Variants in NPHP3 observed in about 807,000 individuals in gnomAD.
NPHP3 encodes the protein nephrocystin-3.
Under a neutral mutation model 171.9 loss-of-function variants are expected in NPHP3, and 123 were observed. That is an observed-to-expected ratio of 0.72 (90% confidence interval 0.62 to 0.83). NPHP3 has a LOEUF of 0.83. Among genes scored for constraint, NPHP3 ranks in the 40% least tolerant of loss-of-function variants. NPHP3 has a pLI of 0.00. For missense variants in NPHP3, 1,506 were observed against 1,591.9 expected (o/e 0.95, Z 0.92); for synonymous variants, 558 against 579.2 (o/e 0.96, Z 0.52).
chr3:132,688,124 G>A (rs1036049088), intron 21 of NPHP3, among the ~76,000 whole-genome samples: 1 of 152,118 alleles, frequency 6.6e-6, no homozygotes, highest in Non-Finnish European at 1.5e-5. Context: ...TGCCACAAGT[G>A]GAAAATTCTG....
intron 3 of NPHP3, chr3:132,717,255 ATCTG>A: frequency 4.4e-6 from 1 of 228,586 alleles, no homozygotes; most frequent in African/African-American, 2.3e-5. Flanking sequence ...ACCAGTTAAA[ATCTG>A]AAGGAAAAAA....
Position 132,713,160 on chromosome 3 carries a change from A to G in NPHP3, c.1084T>C (p.Leu362=), listed in dbSNP as rs1392821198. The change falls in exon 6 of 27, where the codon TTA becomes CTA. Residue 362 remains leucine (L), a synonymous_variant. Transcript: ENST00000337331. The part of the protein sequence containing the change: ...VRKWEIEKSS[L]VILFIHLTLP... Reference sequence around the variant, plus strand: ...GTTAAGTGAATAAATAAAATAACTAAAGAACTTTTCTCAATTTCCCATTTT... The same window carrying G: ...GTTAAGTGAATAAATAAAATAACTAGAGAACTTTTCTCAATTTCCCATTTT... 6.7e-7 allele frequency: 1 copy of G among 1,501,540 alleles called. No homozygotes were observed. The highest frequency in any genetic ancestry group is 9.2e-7 in the Non-Finnish European group (1 of 1,091,146). 93.0% of individuals were successfully genotyped at this position (1,501,540 alleles called of 1,614,324 possible).
intron 10 of NPHP3, 79 bp downstream of exon 10, chr3:132,701,334 TAGGCCGCGCAGGAAGGC>T: frequency 1.2e-6 from 1 of 808,282 alleles, no homozygotes; most frequent in Non-Finnish European, 2.1e-6. Context: ...ATGTTTAGTG[TAGGCCGCGCAGGAAGGC>T]AGGCATGCAA....
chr3:132,681,119 T>G lies in NPHP3; in HGVS notation c.*791A>C, dbSNP rs897476437. On this transcript the variant is annotated 3_prime_UTR_variant, in exon 27 of 27. Coordinates refer to ENST00000337331, the MANE Select transcript of NPHP3 (RefSeq NM_153240.5). ...ACTAATGTGTTTCACTGAAGACAAT[T>G]TGAATCGTTCATAAACATTAACCCT... 3 of 152,244 alleles carry G rather than the reference T, an allele frequency of 2.0e-5. No homozygotes were observed. The highest frequency in any genetic ancestry group is 4.4e-5 in the Non-Finnish European group (3 of 68,048). 9.4% of individuals were successfully genotyped at this position (152,244 alleles called of 1,614,324 possible). A position where few individuals can be genotyped will look rare whatever the true frequency, so the allele number is the denominator to read the frequency against.
rs200443262 is a variant in NPHP3, at chr3:132,683,629, G to GA, written c.3571-106dup. The GA allele has an allele frequency of 0.023, 19,935 of 866,040 alleles. 328 individuals carry two copies. The highest frequency in any genetic ancestry group is 0.025 in the Non-Finnish European group (13,890 of 557,732). 53.6% of individuals were successfully genotyped at this position (866,040 alleles called of 1,614,324 possible). Reference sequence around the variant, plus strand: ...TTCATATTAAAGGGTAATTTTGAGGGAAAAAAATCTCAGAAGCATTTCCTA... The same window carrying GA: ...TTCATATTAAAGGGTAATTTTGAGGGAAAAAAAATCTCAGAAGCATTTCCTA... On this transcript the variant is annotated intron_variant, in intron 24 of 26. Transcript: ENST00000337331.
chr3:132,708,232 C>T lies in NPHP3; in HGVS notation c.1144G>A (p.Ala382Thr). The T allele has an allele frequency of 6.2e-7, 1 of 1,614,156 alleles. No homozygotes were observed. The highest frequency in any genetic ancestry group is 8.5e-7 in the Non-Finnish European group (1 of 1,180,026). The change falls in exon 7 of 27, where the codon GCT becomes ACT. Residue 382 changes from alanine (A) to threonine (T), a missense_variant. By Grantham distance (58) the Ala-to-Thr change is moderately conservative (BLOSUM62 0). Coordinates refer to ENST00000337331, the MANE Select transcript of NPHP3 (RefSeq NM_153240.5). ...PSLLLEDCEE[A>T]FLKNPEGKPR... Reference sequence around the variant, plus strand: ...TTTCCTTCAGGGTTTTTCAGAAAAGCTTCTTCACAGTCTTCCAATAAAAGG... The same window carrying T: ...TTTCCTTCAGGGTTTTTCAGAAAAGTTTCTTCACAGTCTTCCAATAAAAGG...
chr3:132,697,605 T>A (rs910719935), intron 13 of NPHP3, among the ~76,000 whole-genome samples: 2 of 152,216 alleles, frequency 1.3e-5, no homozygotes, highest in Non-Finnish European at 2.9e-5. Flanking sequence ...ATACATTAGA[T>A]AGTTACATGG....
At chr3:132,715,329 T>C (rs1940020810) in intron 4 of NPHP3, 111 bp from the exon 5 acceptor site, 1 of 832,446 alleles carries the variant, frequency 1.2e-6, no homozygotes, top group Non-Finnish European at 2.1e-6. Flanking sequence ...TGATCTTACA[T>C]GTTAATACTG....
chr3:132,713,064 G>A (rs1319341875), intron 6 of NPHP3, 62 bp downstream of exon 6: 2 of 838,874 alleles, frequency 2.4e-6, no homozygotes, highest in Admixed American at 3.0e-5. Context: ...AAGCTTATTT[G>A]GCAAACTCAA....
Position 132,692,770 on chromosome 3 carries a change from G to T in NPHP3, c.2359C>A (p.Leu787Met), listed in dbSNP as rs1169687176. Reference sequence around the variant, plus strand: ...GACATCTCAGGATAGAGTTCCATCAGTTCTGATTCACTCACACCATTGTGA... The same window carrying T: ...GACATCTCAGGATAGAGTTCCATCATTTCTGATTCACTCACACCATTGTGA... ...VSHNGVSESE[L>M]MELYPEMSWT... The change falls in exon 17 of 27, where the codon CTG becomes ATG. Residue 787 changes from leucine (L) to methionine (M), a missense_variant. Physicochemically the swap from Leu to Met is conservative, Grantham distance 15 (BLOSUM62 2). Coordinates refer to ENST00000337331, the MANE Select transcript of NPHP3 (RefSeq NM_153240.5). The T allele has an allele frequency of 6.8e-6, 11 of 1,613,798 alleles. No individual in the cohort carries two copies. The highest frequency in any genetic ancestry group is 8.5e-6 in the Non-Finnish European group (10 of 1,179,844).
intron 13 of NPHP3, among the ~76,000 whole-genome samples, chr3:132,698,191 G>C (rs1345637613): frequency 1.3e-5 from 2 of 152,070 alleles, no homozygotes; most frequent in Admixed American, 1.3e-4. Flanking sequence ...CTGTTGGCCA[G>C]GCTGGTCTTG....
intron 6 of NPHP3, among the ~76,000 whole-genome samples, chr3:132,710,478 G>A (rs1022321671): frequency 1.3e-5 from 2 of 152,034 alleles, no homozygotes; most frequent in African/African-American, 4.8e-5. Flanking sequence ...AGGAAAACCA[G>A]TCACAGTCGC....
chr3:132,690,732 A>T lies in NPHP3; in HGVS notation c.2571-82T>A. The T allele has an allele frequency of 4.3e-6, 6 of 1,402,230 alleles. 1 individual carries two copies. In the South Asian group the frequency reaches 7.2e-5, roughly 17 times the overall value. 86.9% of individuals were successfully genotyped at this position (1,402,230 alleles called of 1,614,324 possible). ...AAGGCTTCAGGCAAATGTCAAAGGA[A>T]GAAAAATATTTAACATATATCTCTG... is the stretch of plus-strand genomic sequence containing the variant. On this transcript the variant is annotated intron_variant, in intron 18 of 26. Transcript: ENST00000337331.
At chr3:132,692,403 C>A (rs1375801991) in intron 17 of NPHP3, among the ~76,000 whole-genome samples, 1 of 151,956 alleles carries the variant, frequency 6.6e-6, no homozygotes, top group Non-Finnish European at 1.5e-5. Flanking sequence ...TTTTTTTGAT[C>A]TTTTGTGTCT....
chr3:132,701,680 G>A (rs1939609742), intron 9 of NPHP3, 147 bp from the exon 10 acceptor site: 1 of 643,076 alleles, frequency 1.6e-6, no homozygotes, highest in Non-Finnish European at 2.8e-6. Flanking sequence ...CCTCATAATT[G>A]CCTACTTTTA....
Position 132,716,825 on chromosome 3 carries a change from G to A in NPHP3, c.755C>T (p.Ser252Phe). 6.2e-7 allele frequency: 1 copy of A among 1,614,154 alleles called. No homozygotes were observed. The highest frequency in any genetic ancestry group is 8.5e-7 in the Non-Finnish European group (1 of 1,180,004). ...SIGSMIQLQQ[S>F]FRGPEFAHSS... ...ATGGGCAAACTCAGGGCCTCTGAAG[G>A]ACTGCTGAAGCTGGATCATGCTTCC... Residue 252 changes from serine (S) to phenylalanine (F), a missense_variant, in exon 4 of 27, where the codon TCC becomes TTC. Physicochemically the swap from Ser to Phe is radical, Grantham distance 155 (BLOSUM62 -2). Around this residue, in one of 3 missense-constraint regions of NPHP3, gnomAD observed 930 missense variants for 924.9 expected, o/e 1.01. Transcript: ENST00000337331.
chr3:132,683,318 G>A, intron 25 of NPHP3, 81 bp downstream of exon 25: 2 of 1,215,716 alleles, frequency 1.6e-6, no homozygotes, highest in Non-Finnish European at 2.4e-6. Context: ...TCTATTTAGT[G>A]TTCCCTATCT....
In NPHP3 at chr3:132,688,844, T is replaced by C. The variant is rs146316936; in HGVS notation, c.2931A>G (p.Leu977=). The part of the protein sequence containing the change: ...QRSLEIRETA[L]DPDHPRVAQS... The stretch of plus-strand genomic sequence containing the variant: ...GGGCTACTCTTGGGTGATCGGGATC[T>C]AAAGCTGTTTCTCGAATCTCTAAAG... Residue 977 remains leucine, a synonymous_variant, in exon 21 of 27, where the codon TTA becomes TTG. Transcript: ENST00000337331. 59 of 1,614,118 alleles carry C rather than the reference T, an allele frequency of 3.7e-5. No individual in the cohort carries two copies. The African/African-American group carries it at 5.2e-4, about 14-fold the overall frequency.
At chr3:132,713,313 G>C in intron 5 of NPHP3, 27 bp from the exon 6 acceptor site, 5 of 1,518,826 alleles carry the variant, frequency 3.3e-6, no homozygotes, top group Non-Finnish European at 4.5e-6. Context: ...ACATACAAAA[G>C]TTTAATGTAT....
Sources: allele counts gnomAD v4.1 joint callset (sites outside exome capture counted in the v4.1 genomes callset), GRCh38; gene constraint gnomAD v4.1.1; regional missense constraint gnomAD v4.1.1; transcripts MANE v1.5; gene names NCBI Gene and HGNC (gene_info 2026-07-23, HGNC 2026-07-21).